PHTF2: variants seen among roughly 807,000 people sequenced by gnomAD.
The protein encoded by PHTF2 is protein PHTF2.
PHTF2 carries 60 observed loss-of-function variants against 101.2 expected under a neutral mutation model. That is an observed-to-expected ratio of 0.59 (90% CI 0.48 to 0.73). The LOEUF (loss-of-function observed/expected upper bound fraction) is 0.73, where lower values mean the gene tolerates loss of function less well. PHTF2 is among the 30% of genes least tolerant of loss of function. PHTF2 has a pLI of 0.00. For synonymous variants in PHTF2, 311 were observed against 307.3 expected (o/e 1.01, Z -0.13); for missense variants, 747 against 908.7 (o/e 0.82, Z 2.29).
At chr7:77,847,718 T>G (rs1796414935) in intron 2 of PHTF2, among the ~76,000 whole-genome samples, 1 of 152,230 alleles carries the variant, frequency 6.6e-6, no homozygotes, top group Non-Finnish European at 1.5e-5. Context: ...AACATTCTAA[T>G]TATACCCTTT....
chr7:77,828,461 TG>T (rs1424537826), intron 1 of PHTF2, among the ~76,000 whole-genome samples: 1 of 152,002 alleles, frequency 6.6e-6, no homozygotes. Flanking sequence ...ACATATCAGG[TG>T]GGTTGATTGT....
chr7:77,839,316 A>G (rs1297395969), intron 1 of PHTF2, among the ~76,000 whole-genome samples: 1 of 152,222 alleles, frequency 6.6e-6, no homozygotes, highest in Non-Finnish European at 1.5e-5. Flanking sequence ...CTAAAATAGT[A>G]TTCTGGAGTT....
At chr7:77,882,573 G>A (rs1799509563) in intron 3 of PHTF2, among the ~76,000 whole-genome samples, 1 of 151,964 alleles carries the variant, frequency 6.6e-6, no homozygotes, top group Non-Finnish European at 1.5e-5. Context: ...TCCCAATTAG[G>A]ATATCTTAAA....
chr7:77,823,316 G>A (rs112378913), intron 1 of PHTF2, among the ~76,000 whole-genome samples: 7,376 of 152,100 alleles, frequency 0.048, 230 homozygotes, highest in Non-Finnish European at 0.075. Context: ...TGCCTCCCGG[G>A]TTCAAGGGAT....
At chr7:77,810,063 A>G (rs1451265849) in intron 1 of PHTF2, among the ~76,000 whole-genome samples, 1 of 152,120 alleles carries the variant, frequency 6.6e-6, no homozygotes, top group Non-Finnish European at 1.5e-5. Context: ...TTTTATTTTG[A>G]TGTAATTTTA....
intron 1 of PHTF2, among the ~76,000 whole-genome samples, chr7:77,807,390 C>A (rs2150475377): frequency 6.6e-6 from 1 of 152,064 alleles, no homozygotes; most frequent in African/African-American, 2.4e-5. Flanking sequence ...TTTATGATAG[C>A]CATCCTAATG....
At chr7:77,841,125 A>G (rs1006989052) in intron 2 of PHTF2, among the ~76,000 whole-genome samples, 10 of 119,568 alleles carry the variant, frequency 8.4e-5, no homozygotes, top group African/African-American at 3.2e-4. Flanking sequence ...TGTCACCCAG[A>G]CTGGAGTGTA....
At chr7:77,933,938 A>G (rs1804851118) in intron 12 of PHTF2, among the ~76,000 whole-genome samples, 1 of 152,150 alleles carries the variant, frequency 6.6e-6, no homozygotes, top group Non-Finnish European at 1.5e-5. Flanking sequence ...AAATTTGTTA[A>G]TGCTCTACTC....
At chr7:77,954,634 A>ATATATATATATGTATGTG (rs1562982854) in intron 19 of PHTF2, among the ~76,000 whole-genome samples, 3 of 145,472 alleles carry the variant, frequency 2.1e-5, no homozygotes, top group African/African-American at 7.5e-5. Flanking sequence ...ATATATATAT[A>ATATATATATATGTATGTG]TATATATATA....
chr7:77,937,737 C>G, exon 13 of PHTF2: 1 of 1,456,144 alleles, frequency 6.9e-7, no homozygotes, highest in African/African-American at 1.4e-5. Context: ...CCATAGTTCC[C>G]ACCCAGGATT....
At chr7:77,817,856 TC>T (rs1230011450) in intron 1 of PHTF2, among the ~76,000 whole-genome samples, 3 of 152,142 alleles carry the variant, frequency 2.0e-5, no homozygotes, top group Non-Finnish European at 4.4e-5. Context: ...ATGCCTGTAA[TC>T]CCAGCACTTT....
chr7:77,932,621 A>AGAGAGTGTGTGTGTGTGTGT (rs759880633), intron 12 of PHTF2, among the ~76,000 whole-genome samples: 4 of 118,476 alleles, frequency 3.4e-5, no homozygotes, highest in African/African-American at 1.4e-4. Context: ...AGAGAGAGAG[A>AGAGAGTGTGTGTGTGTGTGT]GTGTGTGTGT....
chr7:77,949,984 T>G (rs1052707090), intron 17 of PHTF2, among the ~76,000 whole-genome samples, 151 bp downstream of exon 16: 2 of 152,222 alleles, frequency 1.3e-5, no homozygotes, highest in Admixed American at 1.3e-4. Context: ...CAAGCCTTTC[T>G]TCAGTGTTCC....
At chr7:77,867,554 G>A (rs1464132768) in intron 3 of PHTF2, among the ~76,000 whole-genome samples, 1 of 152,186 alleles carries the variant, frequency 6.6e-6, no homozygotes, top group Non-Finnish European at 1.5e-5. Flanking sequence ...ACTTATTATT[G>A]CTGTTATTGT....
intron 6 of PHTF2, 139 bp from the exon 6 acceptor site, chr7:77,901,623 A>G: frequency 2.4e-6 from 1 of 412,296 alleles, no homozygotes; most frequent in East Asian, 3.7e-5. Flanking sequence ...AGTATCTATA[A>G]ATTGGACATT....
At position 77,955,381 on chromosome 7, in the gene PHTF2, A is replaced by G. The variant is rs368418750; in HGVS notation, c.*503A>G. The G allele has an allele frequency of 1.2e-4, 19 of 152,816 alleles. No homozygotes were observed. In the East Asian group the frequency reaches 2.7e-3, roughly 22 times the overall value. The allele number at this position is 152,816 out of a possible 1,614,324, so 9.5% of individuals were successfully genotyped here. On this transcript the variant is annotated 3_prime_UTR_variant, in exon 20 of 20. Coordinates refer to ENST00000416283, the Ensembl canonical transcript of PHTF2. Reference sequence around the variant, plus strand: ...ACAATGCCAGGATCCAAACTGATTAAGTTACAGTTTAAGCACCCTTCAGTA... The same window carrying G: ...ACAATGCCAGGATCCAAACTGATTAGGTTACAGTTTAAGCACCCTTCAGTA...
At chr7:77,942,216 C>T (rs1805690284) in intron 15 of PHTF2, among the ~76,000 whole-genome samples, 1 of 152,170 alleles carries the variant, frequency 6.6e-6, no homozygotes, top group African/African-American at 2.4e-5. Context: ...TGAAGTCTCC[C>T]TGCCAAGTAT....
intron 13 of PHTF2, 129 bp from the exon 13 acceptor site, chr7:77,939,901 G>T: frequency 3.1e-6 from 2 of 642,156 alleles, no homozygotes; most frequent in South Asian, 5.3e-5. Flanking sequence ...ACTTGAATGG[G>T]ATTCAAATTA....
chr7:77,854,986 G>A (rs945813746), intron 3 of PHTF2, among the ~76,000 whole-genome samples: 1 of 152,226 alleles, frequency 6.6e-6, no homozygotes, highest in Non-Finnish European at 1.5e-5. Context: ...CTGAGCTGGT[G>A]CCCAAGCTGC....
Sources: gnomAD v4.1 joint callset for allele counts (sites outside exome capture counted in the v4.1 genomes callset) on GRCh38, gnomAD v4.1.1 for gene constraint, MANE v1.5 for transcripts, NCBI Gene and HGNC (gene_info 2026-07-23, HGNC 2026-07-21) for gene names.